MIDN: variants seen among roughly 807,000 people sequenced by gnomAD.
The protein encoded by MIDN is midnolin, also known as midbrain nucleolar protein.
MIDN carries 26 observed loss-of-function variants against 46.1 expected under a neutral mutation model. The ratio of observed to expected loss-of-function variants is 0.56; its 90% CI spans 0.41 to 0.78. The LOEUF is 0.78. MIDN is among the 30% of genes least tolerant of loss of function. The probability of loss-of-function intolerance (pLI) is 0.00; values close to 1 mark genes in which losing one functional copy is unlikely to be tolerated. For missense variants in MIDN, 850 were observed against 771.8 expected (o/e 1.10, Z -1.20); for synonymous variants, 432 against 343.3 (o/e 1.26, Z -2.86).
At chr19:1,256,048 A>C in intron 8 of MIDN, among the ~76,000 whole-genome samples, 1 of 152,198 alleles carries the variant, frequency 6.6e-6, no homozygotes. Flanking sequence ...TTGGAAAAGC[A>C]GCGAACACAA....
chr19:1,255,493 C>T lies in MIDN; in HGVS notation c.1057C>T (p.Leu353=), dbSNP rs1332880579. ...RRDIGTILQI[L]NDLLSATRHY... is the part of the protein sequence containing the mutation. ...TGACATCGGCACCATCCTGCAGATC[C>T]TGAACGACCTCCTGAGCGCCACCCG... The change falls in exon 8 of 9, where the codon CTG becomes TTG. Residue 353 remains leucine, a synonymous_variant. Transcript: ENST00000682408. The T allele has an allele frequency of 1.9e-6, 3 of 1,611,254 alleles. No individual in the cohort carries two copies. The East Asian group carries it at 6.7e-5, about 36-fold the overall frequency.
chr19:1,251,307 T>A, intron 2 of MIDN: 1 of 507,480 alleles, frequency 2.0e-6, no homozygotes. Context: ...CTGGTTGGGG[T>A]GCAGAGGGGG....
Position 1,251,758 on chromosome 19 carries a change from C to T in MIDN, c.322-81C>T, listed in dbSNP as rs899578780. 9.9e-6 allele frequency: 15 copies of T among 1,520,814 alleles called. No homozygotes were observed. The African/African-American group carries it at 1.7e-4, about 17-fold the overall frequency. 94.2% of individuals were successfully genotyped at this position (1,520,814 alleles called of 1,614,324 possible). A position where few individuals can be genotyped will look rare whatever the true frequency, so the allele number is the denominator to read the frequency against. On this transcript the variant is annotated intron_variant, in intron 3 of 8. Transcript: ENST00000682408. ...CTACCTGGGGCCCCCACCCCGCCAGCCAGCAGGGCCCTCTCCACCCCCTAT... is the reference window on the plus strand; with the variant it reads ...CTACCTGGGGCCCCCACCCCGCCAGTCAGCAGGGCCCTCTCCACCCCCTAT...
rs528129526 is a variant in MIDN, at chr19:1,251,000, T to TC, written c.233+477dup. Reference sequence around the variant, plus strand: ...TAAATCGCCTGCAGGCCCGGAGCCCTCCCCCCGCGGGCCTCCGGGGACACG... The same window carrying TC: ...TAAATCGCCTGCAGGCCCGGAGCCCTCCCCCCCGCGGGCCTCCGGGGACACG... On this transcript the variant is annotated intron_variant, in intron 2 of 8. Coordinates refer to ENST00000682408, the MANE Select transcript of MIDN (RefSeq NM_001388306.1). Among the ~76,000 whole-genome samples, 25 of 150,832 alleles carry TC rather than the reference T, an allele frequency of 1.7e-4. No individual in the cohort carries two copies. In the East Asian group the frequency reaches 4.9e-3, roughly 30 times the overall value.
chr19:1,257,913 A>C lies in MIDN; in HGVS notation c.*641A>C, dbSNP rs1211788449. ...CCTCTTTTCTTGATCTTTTTTTTGCATTTTCCTTCATTTCTTTAACAAGGA... is the reference window on the plus strand; with the variant it reads ...CCTCTTTTCTTGATCTTTTTTTTGCCTTTTCCTTCATTTCTTTAACAAGGA... On this transcript the variant is annotated 3_prime_UTR_variant, in exon 9 of 9. Transcript: ENST00000682408. 1.3e-5 allele frequency: 2 copies of C among 150,158 alleles called. No individual in the cohort carries two copies. Among genetic ancestry groups the C allele is most frequent in the Non-Finnish European group, 3.0e-5 (2 of 67,558 alleles). 9.3% of individuals were successfully genotyped at this position (150,158 alleles called of 1,614,324 possible).
In MIDN at chr19:1,250,395, C is replaced by T. The variant is rs778401653; in HGVS notation, c.99C>T (p.Leu33=). 1.6e-6 allele frequency: 2 copies of T among 1,286,450 alleles called. No individual in the cohort carries two copies. Among genetic ancestry groups the T allele is most frequent in the Non-Finnish European group, 1.0e-6 (1 of 997,922 alleles). 79.7% of individuals were successfully genotyped at this position (1,286,450 alleles called of 1,614,324 possible). Residue 33 remains leucine, a synonymous_variant, in exon 2 of 9, where the codon CTC becomes CTT. Coordinates refer to ENST00000682408, the MANE Select transcript of MIDN (RefSeq NM_001388306.1). ...GPAAEAAPMS[L]AIHSTTGTRY... Reference sequence around the variant, plus strand: ...CGGCCGAGGCGGCGCCCATGAGCCTCGCCATCCACAGCACCACGGGCACCC... The same window carrying T: ...CGGCCGAGGCGGCGCCCATGAGCCTTGCCATCCACAGCACCACGGGCACCC...
At position 1,258,700 on chromosome 19, in the gene MIDN, G is replaced by A. The variant is rs1165858002; in HGVS notation, c.*1428G>A. ...GTGAACATCACGTGTTATAACTGTA[G>A]CGCTGTAAATTTTTTTGTGGGAGGG... On this transcript the variant is annotated 3_prime_UTR_variant, in exon 9 of 9. Coordinates refer to ENST00000682408, the MANE Select transcript of MIDN (RefSeq NM_001388306.1). 4.1e-5 allele frequency: 6 copies of A among 145,052 alleles called. No homozygotes were observed. The highest frequency in any genetic ancestry group is 9.0e-5 in the Non-Finnish European group (6 of 66,726). 9.0% of individuals were successfully genotyped at this position (145,052 alleles called of 1,614,324 possible).
intron 4 of MIDN, among the ~76,000 whole-genome samples, chr19:1,253,041 G>A (rs78572158): frequency 3.0e-4 from 44 of 145,364 alleles, no homozygotes; most frequent in Admixed American, 3.4e-4. Flanking sequence ...GGTTGGGGGG[G>A]GCTGGAGGGG....
chr19:1,256,165 G>C (rs1056684689), intron 8 of MIDN, among the ~76,000 whole-genome samples: 1 of 152,252 alleles, frequency 6.6e-6, no homozygotes, highest in Non-Finnish European at 1.5e-5. Context: ...CACCCGTCGC[G>C]GGGGCTCCTC....
At chr19:1,256,349 G>A (rs1219132188) in intron 8 of MIDN, among the ~76,000 whole-genome samples, 2 of 152,148 alleles carry the variant, frequency 1.3e-5, no homozygotes, top group African/African-American at 4.8e-5. Flanking sequence ...CAGGCGTGGT[G>A]GTGGGCGCCT....
chr19:1,255,753 C>T, intron 8 of MIDN, 59 bp downstream of exon 8: 2 of 1,443,426 alleles, frequency 1.4e-6, no homozygotes, highest in Non-Finnish European at 1.8e-6. Context: ...CTCAAGGCCC[C>T]TCTGTGTGAG....
intron 3 of MIDN, 76 bp from the exon 4 acceptor site, chr19:1,251,763 A>G (rs2081131537): frequency 2.1e-6 from 3 of 1,402,432 alleles, no homozygotes; most frequent in East Asian, 2.4e-5. Flanking sequence ...GCCAGCCAGC[A>G]GGGCCCTCTC....
At position 1,257,517 on chromosome 19, in the gene MIDN, TTCC is replaced by T. The variant is rs373707840; in HGVS notation, c.*264_*266del. The T allele has an allele frequency of 6.6e-4, 268 of 404,946 alleles. No individual in the cohort carries two copies. Among genetic ancestry groups the T allele is most frequent in the Middle Eastern group, 1.7e-3 (3 of 1,816 alleles). The allele number at this position is 404,946 out of a possible 1,614,324, so 25.1% of individuals were successfully genotyped here. On this transcript the variant is annotated 3_prime_UTR_variant, in exon 9 of 9. Transcript: ENST00000682408. Reference sequence around the variant, plus strand: ...TTCACCCTTCACTCCTGCCCTCCTCTTCCTCCTCCTCCTCCTCCTCCGTCTGTC... The same window carrying T: ...TTCACCCTTCACTCCTGCCCTCCTCTTCCTCCTCCTCCTCCTCCGTCTGTC...
At chr19:1,253,716 C>T (rs910213885) in intron 4 of MIDN, 2 of 231,384 alleles carry the variant, frequency 8.6e-6, no homozygotes, top group African/African-American at 4.7e-5. Context: ...GAATTCCACC[C>T]ACTTGCTGGC....
In MIDN at chr19:1,257,516, C is replaced by G; in HGVS notation, c.*244C>G. 4.5e-6 allele frequency: 2 copies of G among 448,512 alleles called. No homozygotes were observed. The highest frequency in any genetic ancestry group is 6.4e-5 in the South Asian group (2 of 31,138). 27.8% of individuals were successfully genotyped at this position (448,512 alleles called of 1,614,324 possible). A position where few individuals can be genotyped will look rare whatever the true frequency, so the allele number is the denominator to read the frequency against. On this transcript the variant is annotated 3_prime_UTR_variant, in exon 9 of 9. Coordinates refer to ENST00000682408, the MANE Select transcript of MIDN (RefSeq NM_001388306.1). ...CTTCACCCTTCACTCCTGCCCTCCT[C>G]TTCCTCCTCCTCCTCCTCCTCCGTC...
At position 1,254,891 on chromosome 19, in the gene MIDN, C is replaced by T. The variant is rs1430930686; in HGVS notation, c.826-11C>T. On this transcript the variant is annotated splice_polypyrimidine_tract_variant and intron_variant, in intron 6 of 8. Transcript: ENST00000682408. ...TGGACCCCGTGCTCATGTGCCCCTT[C>T]CTCCCATCAGCAGATGGACTGCTCC... 4 of 1,595,356 alleles carry T rather than the reference C, an allele frequency of 2.5e-6. No individual in the cohort carries two copies. In the East Asian group the frequency reaches 6.7e-5, roughly 27 times the overall value.
In MIDN at chr19:1,250,371, G is replaced by C; in HGVS notation, c.75G>C (p.Ala25=). Residue 25 remains alanine, a synonymous_variant, in exon 2 of 9, where the codon GCG becomes GCC. Coordinates refer to ENST00000682408, the MANE Select transcript of MIDN (RefSeq NM_001388306.1). ...APGGACELGP[A]AEAAPMSLAI... is the part of the protein sequence containing the mutation. ...GCGGCGCCTGCGAGCTGGGCCCGGCGGCCGAGGCGGCGCCCATGAGCCTCG... is the reference window on the plus strand; with the variant it reads ...GCGGCGCCTGCGAGCTGGGCCCGGCCGCCGAGGCGGCGCCCATGAGCCTCG... The C allele has an allele frequency of 8.6e-7, 1 of 1,156,950 alleles. No individual in the cohort carries two copies. Among genetic ancestry groups the C allele is most frequent in the Non-Finnish European group, 1.1e-6 (1 of 929,704 alleles). The allele number at this position is 1,156,950 out of a possible 1,614,324, so 71.7% of individuals were successfully genotyped here. A position where few individuals can be genotyped will look rare whatever the true frequency, so the allele number is the denominator to read the frequency against.
chr19:1,257,363 GA>G lies in MIDN; in HGVS notation c.*92del. Reference sequence around the variant, plus strand: ...CCGGAGAGAACGTGGCCCAGCCCTGGAGGGCAGGCGGCCACTCCCCCAGCCA... The same window carrying G: ...CCGGAGAGAACGTGGCCCAGCCCTGGGGGCAGGCGGCCACTCCCCCAGCCA... On this transcript the variant is annotated 3_prime_UTR_variant, in exon 9 of 9. Coordinates refer to ENST00000682408, the MANE Select transcript of MIDN (RefSeq NM_001388306.1). 9.7e-7 allele frequency: 1 copy of G among 1,030,556 alleles called. No homozygotes were observed. The highest frequency in any genetic ancestry group is 1.5e-6 in the Non-Finnish European group (1 of 686,450). The allele number at this position is 1,030,556 out of a possible 1,614,324, so 63.8% of individuals were successfully genotyped here.
At chr19:1,249,056 G>C (rs1468945077) in intron 1 of MIDN, among the ~76,000 whole-genome samples, 2 of 151,058 alleles carry the variant, frequency 1.3e-5, no homozygotes, top group Admixed American at 6.6e-5. Flanking sequence ...TCCGGGCGGC[G>C]CTCCCAGGCG....
Sources: gnomAD v4.1 joint callset for allele counts (sites outside exome capture counted in the v4.1 genomes callset) on GRCh38, gnomAD v4.1.1 for gene constraint, MANE v1.5 for transcripts, NCBI Gene and HGNC (gene_info 2026-07-23, HGNC 2026-07-21) for gene names.